The following DLG2 variants were observed in gnomAD, a reference collection of about 807,000 sequenced individuals.
The protein encoded by DLG2 is disks large homolog 2.
Under a neutral mutation model 132.5 loss-of-function variants are expected in DLG2, and 45 were observed. The observed-to-expected ratio is 0.34, with a 90% CI of 0.27 to 0.44. The LOEUF (loss-of-function observed/expected upper bound fraction) is 0.44. Among genes scored for constraint, DLG2 ranks in the 20% least tolerant of loss-of-function variants. The probability of loss-of-function intolerance (pLI) is 1.00; values close to 1 mark genes in which losing one functional copy is unlikely to be tolerated. For missense variants in DLG2, 1,045 were observed against 1,196.9 expected, an observed-to-expected ratio of 0.87 and a Z score of 1.87; for synonymous variants, 424 against 419.6, an observed-to-expected ratio of 1.01 and a Z score of -0.13.
At chr11:84,365,270 T>C (rs1201328913) in intron 7 of DLG2, among the ~76,000 whole-genome samples, 2 of 152,222 alleles carry the variant, frequency 1.3e-5, no homozygotes, top group Non-Finnish European at 2.9e-5. Flanking sequence ...AATTTATCCA[T>C]TTCTTCTAGA....
rs570319911 is a variant in DLG2, at chr11:85,489,855, T to A, written c.40+108802A>T. Among the ~76,000 whole-genome samples, 3 of 150,746 alleles carry A rather than the reference T, an allele frequency of 2.0e-5. No homozygotes were observed. In the East Asian group the frequency reaches 5.8e-4, roughly 29 times the overall value. On this transcript the variant is annotated intron_variant, in intron 3 of 27. Transcript: ENST00000376104. ...ATAAATTATGAAGGAATTTTTTTAA[T>A]GTTTTCAACTTTTCTTTGAAAGGAC...
At chr11:84,978,497 T>C (rs2055242947) in intron 6 of DLG2, among the ~76,000 whole-genome samples, 1 of 151,774 alleles carries the variant, frequency 6.6e-6, no homozygotes, top group African/African-American at 2.4e-5. Context: ...CCCTCAGAAA[T>C]GGAACACAAC....
intron 6 of DLG2, among the ~76,000 whole-genome samples, chr11:85,045,753 A>G (rs2062280181): frequency 6.6e-6 from 1 of 152,042 alleles, no homozygotes; most frequent in South Asian, 2.1e-4. Flanking sequence ...TAGGTGCTGT[A>G]ATTTGAATAG....
chr11:85,063,828 A>G (rs998178338), intron 6 of DLG2, among the ~76,000 whole-genome samples: 5 of 151,838 alleles, frequency 3.3e-5, no homozygotes, highest in Admixed American at 6.6e-5. Context: ...AAATGGTACC[A>G]GAAACTTCAC....
In DLG2 at chr11:85,372,698, G is replaced by A. The variant is rs182203627; in HGVS notation, c.41-87333C>T. Among the ~76,000 whole-genome samples the A allele has an allele frequency of 5.3e-4, 81 of 152,350 alleles. 2 individuals are homozygous for A. The highest frequency in any genetic ancestry group is 1.8e-3 in the African/African-American group (74 of 41,580). On this transcript the variant is annotated intron_variant, in intron 3 of 27. Transcript: ENST00000376104. The stretch of plus-strand genomic sequence containing the variant: ...GTAGGAAAGAGACATAGGTGACAGC[G>A]AATAATTCCTATTCTCTAGGCCCTC...
chr11:84,848,386 C>T (rs756558744), intron 6 of DLG2, among the ~76,000 whole-genome samples: 3 of 151,834 alleles, frequency 2.0e-5, no homozygotes, highest in Admixed American at 6.6e-5. Context: ...CCCAGCTACT[C>T]GGGAGGCTGA....
At chr11:84,757,246 C>A (rs2067003896) in intron 6 of DLG2, among the ~76,000 whole-genome samples, 1 of 151,608 alleles carries the variant, frequency 6.6e-6, no homozygotes, top group African/African-American at 2.4e-5. Flanking sequence ...TGAAAGTAAG[C>A]ATTTAGAGAC....
chr11:85,033,221 T>C (rs1201866395), intron 6 of DLG2, among the ~76,000 whole-genome samples: 2 of 152,096 alleles, frequency 1.3e-5, no homozygotes, highest in African/African-American at 4.8e-5. Flanking sequence ...TAAATATTAA[T>C]CTTTTCAAAT....
At chr11:84,763,827 T>C (rs1597557422) in intron 6 of DLG2, among the ~76,000 whole-genome samples, 1 of 152,174 alleles carries the variant, frequency 6.6e-6, no homozygotes, top group Non-Finnish European at 1.5e-5. Flanking sequence ...ATGTTTCACA[T>C]ATATTGTGTG....
intron 7 of DLG2, among the ~76,000 whole-genome samples, chr11:84,453,260 A>G (rs778962551): frequency 1.3e-5 from 2 of 151,656 alleles, no homozygotes; most frequent in Non-Finnish European, 3.0e-5. Context: ...AAGCTTAAAG[A>G]TCAAGTCCTT....
intron 3 of DLG2, among the ~76,000 whole-genome samples, chr11:85,367,595 C>A (rs946372312): frequency 1.3e-5 from 2 of 152,126 alleles, no homozygotes; most frequent in African/African-American, 4.8e-5. Flanking sequence ...TTAGCTTTCT[C>A]ATATGCTAAT....
chr11:84,619,455 G>A (rs2099610145), intron 6 of DLG2, among the ~76,000 whole-genome samples: 1 of 151,488 alleles, frequency 6.6e-6, no homozygotes, highest in East Asian at 1.9e-4. Flanking sequence ...GTTAAAGCAG[G>A]TTAAAGCCCC....
At chr11:84,168,826 T>C (rs7481959) in intron 8 of DLG2, among the ~76,000 whole-genome samples, 1,666 of 148,012 alleles carry the variant, frequency 0.011, 15 homozygotes, top group Non-Finnish European at 0.018. Flanking sequence ...CACACACACA[T>C]ACACACACAC....
chr11:85,143,615 G>A (rs928603272), intron 5 of DLG2, among the ~76,000 whole-genome samples: 3 of 151,620 alleles, frequency 2.0e-5, no homozygotes, highest in African/African-American at 7.2e-5. Context: ...ATAAGTTTAT[G>A]TATGTTGTGT....
chr11:84,134,223 G>C lies in DLG2; in HGVS notation c.624+29238C>G, dbSNP rs562413986. The stretch of plus-strand genomic sequence containing the variant: ...TGGGTGCTACAGTAACATCTAGGGA[G>C]AGCTTCTGATCCAATCAGAAACTTA... On this transcript the variant is annotated intron_variant, in intron 9 of 27. Coordinates refer to ENST00000376104, the MANE Select transcript of DLG2 (RefSeq NM_001142699.3). 2.0e-3 allele frequency among the ~76,000 whole-genome samples: 307 copies of C among 152,172 alleles called. 3 individuals carry two copies. The highest frequency in any genetic ancestry group is 2.1e-3 in the Non-Finnish European group (140 of 67,964).
At chr11:84,704,079 C>A (rs1940092) in intron 6 of DLG2, among the ~76,000 whole-genome samples, 46,232 of 150,432 alleles carry the variant, frequency 0.31, 8,179 homozygotes, top group African/African-American at 0.5. Context: ...TTAATTCTTA[C>A]AATATGTGTT....
intron 6 of DLG2, among the ~76,000 whole-genome samples, chr11:84,994,672 T>A (rs920781921): frequency 2.6e-5 from 4 of 152,172 alleles, no homozygotes; most frequent in Non-Finnish European, 4.4e-5. Flanking sequence ...GGGGGGAGAT[T>A]ATCACAGAGT....
At chr11:85,331,028 A>C (rs987949243) in intron 3 of DLG2, among the ~76,000 whole-genome samples, 1 of 152,156 alleles carries the variant, frequency 6.6e-6, no homozygotes, top group African/African-American at 2.4e-5. Context: ...CACGAAGCTC[A>C]TCTGTATTAA....
intron 18 of DLG2, among the ~76,000 whole-genome samples, chr11:83,773,139 C>T (rs1408647938): frequency 6.6e-6 from 1 of 152,138 alleles, no homozygotes; most frequent in African/African-American, 2.4e-5. Context: ...GAGTATGATG[C>T]TGAAGAAAGA....
Sources: gnomAD v4.1 joint callset for allele counts (sites outside exome capture counted in the v4.1 genomes callset) on GRCh38, gnomAD v4.1.1 for gene constraint, MANE v1.5 for transcripts, NCBI Gene and HGNC (gene_info 2026-07-23, HGNC 2026-07-21) for gene names.